SERGEF: variants seen among roughly 807,000 people sequenced by gnomAD.
The protein encoded by SERGEF is secretion regulating guanine nucleotide exchange factor, also known as secretion-regulating guanine nucleotide exchange factor.
SERGEF carries 51 observed loss-of-function variants against 50.0 expected under a neutral mutation model. The ratio of observed to expected loss-of-function variants is 1.02; its 90% confidence interval spans 0.81 to 1.29. SERGEF has a LOEUF of 1.29. Among genes scored for constraint, SERGEF ranks in the 50% most tolerant of loss-of-function variants. The pLI is 0.00. For missense variants in SERGEF, 521 were observed against 557.0 expected (o/e 0.94, Z 0.65); for synonymous variants, 205 against 212.4 (o/e 0.97, Z 0.30).
chr11:17,982,297 T>C (rs933282360), intron 8 of SERGEF, among the ~76,000 whole-genome samples: 2 of 152,190 alleles, frequency 1.3e-5, no homozygotes, highest in African/African-American at 4.8e-5. Context: ...GTGCCTCCCC[T>C]ATTTAGTCCT....
chr11:17,879,377 G>A (rs373145239), intron 9 of SERGEF, among the ~76,000 whole-genome samples: 8 of 152,302 alleles, frequency 5.3e-5, no homozygotes, highest in African/African-American at 1.9e-4. Context: ...CTCCTGGCAA[G>A]AGGAATGTTT....
intron 6 of SERGEF, 131 bp downstream of exon 6, chr11:17,995,665 C>A (rs1853822038): frequency 3.1e-6 from 2 of 654,500 alleles, no homozygotes; most frequent in South Asian, 1.9e-5. Context: ...GACTAACAGA[C>A]CAACTAATAG....
chr11:17,845,192 ACT>A (rs1850583495), intron 10 of SERGEF, among the ~76,000 whole-genome samples: 1 of 151,570 alleles, frequency 6.6e-6, no homozygotes, highest in African/African-American at 2.4e-5. Flanking sequence ...CTGTCAGCAA[ACT>A]CTACATGCTC....
chr11:17,878,510 C>G (rs548096100), intron 9 of SERGEF, among the ~76,000 whole-genome samples: 3 of 152,100 alleles, frequency 2.0e-5, no homozygotes, highest in African/African-American at 7.2e-5. Flanking sequence ...TTTTTTAAAC[C>G]CTTTCTTCCT....
chr11:17,922,826 A>G (rs983829861), intron 9 of SERGEF, among the ~76,000 whole-genome samples: 10 of 152,290 alleles, frequency 6.6e-5, no homozygotes, highest in African/African-American at 9.6e-5. Flanking sequence ...TAAGGGAGCT[A>G]TTTACATTTT....
chr11:17,845,663 T>C (rs929512605), intron 10 of SERGEF, among the ~76,000 whole-genome samples: 2 of 152,234 alleles, frequency 1.3e-5, no homozygotes, highest in African/African-American at 4.8e-5. Flanking sequence ...TTTTTTCCTT[T>C]GGCATTGGAT....
At chr11:17,855,985 T>C (rs1850809873) in intron 10 of SERGEF, 1 of 152,196 alleles carries the variant, frequency 6.6e-6, no homozygotes, top group Non-Finnish European at 1.5e-5. Flanking sequence ...TATACCATGG[T>C]CATCTGTACT....
chr11:17,881,799 C>A (rs760362950), intron 9 of SERGEF, among the ~76,000 whole-genome samples: 1 of 152,288 alleles, frequency 6.6e-6, no homozygotes, highest in Middle Eastern at 3.4e-3. Flanking sequence ...AATTTATCCC[C>A]TTACAGCCAT....
chr11:17,815,401 C>A (rs1373480914), intron 10 of SERGEF, among the ~76,000 whole-genome samples: 1 of 138,166 alleles, frequency 7.2e-6, no homozygotes, highest in East Asian at 2.2e-4. Flanking sequence ...GAGTTCCAGA[C>A]CAGCCTGGTA....
intron 9 of SERGEF, among the ~76,000 whole-genome samples, chr11:17,904,263 G>C (rs1851799652): frequency 6.6e-6 from 1 of 152,208 alleles, no homozygotes; most frequent in African/African-American, 2.4e-5. Flanking sequence ...AGTCCTCAAG[G>C]AAAAGAGTGG....
intron 8 of SERGEF, among the ~76,000 whole-genome samples, chr11:17,977,174 C>T (rs1853395227): frequency 6.6e-6 from 1 of 152,248 alleles, no homozygotes; most frequent in South Asian, 2.1e-4. Context: ...CAGACCAAGT[C>T]CCTAACCTTG....
At chr11:17,791,023 G>A (rs1230670758) in intron 10 of SERGEF, among the ~76,000 whole-genome samples, 1 of 152,122 alleles carries the variant, frequency 6.6e-6, no homozygotes, top group South Asian at 2.1e-4. Context: ...TTGTTGTTAT[G>A]TGCATTTGGA....
intron 8 of SERGEF, among the ~76,000 whole-genome samples, chr11:17,983,825 T>TAA (rs776577952): frequency 7.4e-5 from 10 of 135,576 alleles, no homozygotes; most frequent in African/African-American, 2.2e-4. Context: ...GTTAAGACTT[T>TAA]AAAAAAAAAA....
At chr11:17,801,018 A>G (rs1340247569) in intron 10 of SERGEF, among the ~76,000 whole-genome samples, 1 of 151,950 alleles carries the variant, frequency 6.6e-6, no homozygotes, top group Non-Finnish European at 1.5e-5. Flanking sequence ...ACACGGTGAA[A>G]GCCTGTCTCT....
intron 10 of SERGEF, among the ~76,000 whole-genome samples, chr11:17,834,036 G>A (rs1011973334): frequency 6.6e-6 from 1 of 152,186 alleles, no homozygotes; most frequent in Non-Finnish European, 1.5e-5. Context: ...GAGGACACAT[G>A]AGATTTGGGA....
chr11:17,805,802 C>G (rs1162390579), intron 10 of SERGEF, among the ~76,000 whole-genome samples: 3 of 152,212 alleles, frequency 2.0e-5, no homozygotes, highest in Non-Finnish European at 4.4e-5. Flanking sequence ...TACTGAGACT[C>G]AGTGTCTTTA....
intron 1 of SERGEF, 24 bp downstream of exon 1, chr11:18,012,927 C>A (rs748741600): frequency 2.0e-6 from 3 of 1,521,988 alleles, no homozygotes; most frequent in Non-Finnish European, 1.7e-6. Flanking sequence ...GGGCCTGCAC[C>A]GGCCCGGGGG....
intron 10 of SERGEF, among the ~76,000 whole-genome samples, chr11:17,829,669 CA>C (rs1400342762): frequency 6.6e-6 from 1 of 152,146 alleles, no homozygotes; most frequent in Non-Finnish European, 1.5e-5. Context: ...CAACAAACTG[CA>C]ACACTCCTCC....
At chr11:17,797,360 C>T (rs556175560) in intron 10 of SERGEF, among the ~76,000 whole-genome samples, 1 of 152,316 alleles carries the variant, frequency 6.6e-6, no homozygotes, top group East Asian at 1.9e-4. Context: ...TCTTACTGTT[C>T]CTCAAACAGT....
Sources: gnomAD v4.1 joint callset for allele counts (sites outside exome capture counted in the v4.1 genomes callset) on GRCh38, gnomAD v4.1.1 for gene constraint, MANE v1.5 for transcripts, NCBI Gene and HGNC (gene_info 2026-07-23, HGNC 2026-07-21) for gene names.